AOPEP: variants seen among roughly 807,000 people sequenced by gnomAD.
The protein encoded by AOPEP is aminopeptidase O (putative), also known as aminopeptidase O.
A neutral mutation model predicts 98.1 loss-of-function variants in AOPEP; 77 were observed. The observed-to-expected ratio is 0.78, with a 90% CI of 0.65 to 0.95. AOPEP has a LOEUF of 0.95. Among genes scored for constraint, AOPEP ranks in the 40% least tolerant of loss-of-function variants. The pLI, the probability that AOPEP is intolerant of heterozygous loss-of-function variation, is 0.00. For synonymous variants in AOPEP, 346 were observed against 365.3 expected (o/e 0.95, Z 0.60); for missense variants, 1,024 against 1,024.7 (o/e 1.00, Z 0.01).
intron 1 of AOPEP, among the ~76,000 whole-genome samples, chr9:94,741,423 C>T (rs1833076881): frequency 1.3e-5 from 2 of 152,008 alleles, no homozygotes; most frequent in Admixed American, 1.3e-4. Context: ...CAGGCGCCCG[C>T]CACCATGCCT....
intron 13 of AOPEP, chr9:95,006,341 T>C (rs1180242828): frequency 3.1e-6 from 1 of 325,422 alleles, no homozygotes; most frequent in Non-Finnish European, 6.0e-6. Flanking sequence ...TGTTTTTTGA[T>C]TCTTGATACC....
At chr9:94,742,946 G>A (rs1268706145) in intron 1 of AOPEP, among the ~76,000 whole-genome samples, 1 of 152,092 alleles carries the variant, frequency 6.6e-6, no homozygotes, top group Non-Finnish European at 1.5e-5. Context: ...ATCAGAGCTG[G>A]ATAGCAAGTT....
At chr9:94,733,963 G>A (rs1206732847) in intron 1 of AOPEP, among the ~76,000 whole-genome samples, 1 of 152,226 alleles carries the variant, frequency 6.6e-6, no homozygotes, top group Non-Finnish European at 1.5e-5. Flanking sequence ...AGTGTGTAAA[G>A]TCTGGATCTT....
At chr9:94,744,701 CAAAA>C (rs757571360) in intron 1 of AOPEP, among the ~76,000 whole-genome samples, 2 of 56,068 alleles carry the variant, frequency 3.6e-5, no homozygotes, top group East Asian at 1.0e-3. Flanking sequence ...GACTCTGTCT[CAAAA>C]AAAAAAAAAA....
Position 94,913,769 on chromosome 9 carries a change from G to A in AOPEP, c.1365-10217G>A, listed in dbSNP as rs10993392. On this transcript the variant is annotated intron_variant, in intron 5 of 16. Coordinates refer to ENST00000375315, the MANE Select transcript of AOPEP (RefSeq NM_001193329.3). ...GGGAGAACAATCAGTGAATTCATTC[G>A]TTTAATTCATGAATTTTCCTTCTAT... Among the ~76,000 whole-genome samples, 1,204 of 152,276 alleles carry A rather than the reference G, an allele frequency of 7.9e-3. 7 individuals are homozygous for A. The highest frequency in any genetic ancestry group is 0.012 in the Non-Finnish European group (804 of 68,016).
chr9:94,786,899 T>C (rs1296566932), intron 3 of AOPEP, among the ~76,000 whole-genome samples: 1 of 152,094 alleles, frequency 6.6e-6, no homozygotes, highest in Non-Finnish European at 1.5e-5. Flanking sequence ...TGTCACTTGG[T>C]AGCCAAGAAA....
chr9:95,013,764 C>T (rs765471991), intron 13 of AOPEP, among the ~76,000 whole-genome samples: 1 of 152,060 alleles, frequency 6.6e-6, no homozygotes, highest in Non-Finnish European at 1.5e-5. Flanking sequence ...ATAAGAAATC[C>T]TTGGTTCATA....
the AOPEP span, among the ~76,000 whole-genome samples, chr9:95,124,761 G>T: frequency 6.6e-6 from 1 of 152,186 alleles, no homozygotes; most frequent in African/African-American, 2.4e-5. Context: ...CTCAGATGCA[G>T]CCAGGGGGCA....
At chr9:94,993,782 A>G (rs1221338467) in intron 11 of AOPEP, among the ~76,000 whole-genome samples, 1 of 152,104 alleles carries the variant, frequency 6.6e-6, no homozygotes, top group Admixed American at 6.5e-5. Context: ...AGACTTCACA[A>G]TTCAGTTCTT....
intron 13 of AOPEP, chr9:95,019,832 T>G (rs1009144761): frequency 6.6e-6 from 1 of 152,260 alleles, no homozygotes. Context: ...AGCAAGAAGC[T>G]GTCTAAAATA....
At chr9:95,007,686 G>GTTTC (rs2062142453) in intron 13 of AOPEP, among the ~76,000 whole-genome samples, 1 of 152,176 alleles carries the variant, frequency 6.6e-6, no homozygotes, top group South Asian at 2.1e-4. Flanking sequence ...AACTGTCAGT[G>GTTTC]TTTCCAATGT....
intron 5 of AOPEP, among the ~76,000 whole-genome samples, chr9:94,888,326 T>TGTGTGTGTGC (rs935695194): frequency 6.6e-6 from 1 of 151,908 alleles, no homozygotes; most frequent in Non-Finnish European, 1.5e-5. Context: ...TGTGTGTGTG[T>TGTGTGTGTGC]GTGTGTACTT....
chr9:94,756,851 C>A (rs923616670), intron 1 of AOPEP, among the ~76,000 whole-genome samples: 3 of 152,092 alleles, frequency 2.0e-5, no homozygotes, highest in Non-Finnish European at 4.4e-5. Flanking sequence ...GGCTACCCCC[C>A]GTTCTGGAAG....
intron 14 of AOPEP, among the ~76,000 whole-genome samples, chr9:95,069,191 G>A (rs1327568524): frequency 6.6e-6 from 1 of 152,156 alleles, no homozygotes; most frequent in Non-Finnish European, 1.5e-5. Context: ...ATGTTACCCG[G>A]ATTTCATGTC....
chr9:95,055,859 AG>A (rs2066769533), intron 13 of AOPEP, among the ~76,000 whole-genome samples: 1 of 152,208 alleles, frequency 6.6e-6, no homozygotes, highest in Admixed American at 6.5e-5. Flanking sequence ...TCCAGCATAC[AG>A]AATTTGAGAT....
intron 16 of AOPEP, chr9:95,085,975 C>T (rs1205633333): frequency 7.4e-7 from 1 of 1,357,500 alleles, no homozygotes; most frequent in Non-Finnish European, 9.8e-7. Flanking sequence ...GCCCACGGAG[C>T]TCCCAGCTGA....
intron 3 of AOPEP, among the ~76,000 whole-genome samples, chr9:94,788,431 T>A (rs1384581710): frequency 1.3e-5 from 2 of 152,178 alleles, no homozygotes; most frequent in African/African-American, 2.4e-5. Flanking sequence ...AAACTGTGAC[T>A]TATTATTTCT....
rs534773989 is a variant in AOPEP at position 94,974,553 on chromosome 9, G to T, written c.1917-4814G>T. 4.6e-5 allele frequency among the ~76,000 whole-genome samples: 7 copies of T among 152,316 alleles called. No individual in the cohort carries two copies. In the South Asian group the frequency reaches 6.2e-4, roughly 14 times the overall value. On this transcript the variant is annotated intron_variant, in intron 10 of 16. Coordinates refer to ENST00000375315, the MANE Select transcript of AOPEP (RefSeq NM_001193329.3). ...GCCTCTGGATGCAGCTCACTGACGA[G>T]CTCTCCTGCTCCCACACTTTTGCCC...
At chr9:95,101,463 C>T in the AOPEP span, 1 of 567,978 alleles carries the variant, frequency 1.8e-6, no homozygotes, top group Non-Finnish European at 3.2e-6. Flanking sequence ...CGGGCGGGCA[C>T]CAGGAGTACC....
Sources: gnomAD v4.1 joint callset for allele counts (sites outside exome capture counted in the v4.1 genomes callset) on GRCh38, gnomAD v4.1.1 for gene constraint, MANE v1.5 for transcripts, NCBI Gene and HGNC (gene_info 2026-07-23, HGNC 2026-07-21) for gene names.